CTNND2: variants seen among roughly 807,000 people sequenced by gnomAD.
CTNND2 encodes the protein catenin delta 2, also known as catenin delta-2.
A neutral mutation model predicts 144.4 loss-of-function variants in CTNND2; 22 were observed. The ratio of observed to expected loss-of-function variants is 0.15; its 90% CI spans 0.11 to 0.22. The LOEUF (loss-of-function observed/expected upper bound fraction) is 0.22. Among genes scored for constraint, CTNND2 ranks in the 10% least tolerant of loss-of-function variants. The probability of loss-of-function intolerance (pLI) is 1.00; values close to 1 mark genes in which losing one functional copy is unlikely to be tolerated. For synonymous variants in CTNND2, 751 were observed against 695.6 expected, an observed-to-expected ratio of 1.08 and a Z score of -1.25; for missense variants, 1,353 against 1,618.8, an observed-to-expected ratio of 0.84 and a Z score of 2.82.
chr5:11,703,792 A>T (rs542903265), intron 2 of CTNND2, among the ~76,000 whole-genome samples: 1 of 152,304 alleles, frequency 6.6e-6, no homozygotes, highest in African/African-American at 2.4e-5. Context: ...TATATCTGCC[A>T]AATAATTCGA....
At chr5:11,228,365 A>AC (rs1334382156) in intron 10 of CTNND2, among the ~76,000 whole-genome samples, 1 of 146,104 alleles carries the variant, frequency 6.8e-6, no homozygotes, top group East Asian at 2.0e-4. Flanking sequence ...AAAAAAAAAA[A>AC]AAAAAAAAAA....
intron 9 of CTNND2, among the ~76,000 whole-genome samples, chr5:11,336,848 A>G (rs1753779840): frequency 6.6e-6 from 1 of 152,120 alleles, no homozygotes; most frequent in Non-Finnish European, 1.5e-5. Flanking sequence ...TATATGGCAC[A>G]AACACACACA....
chr5:11,064,013 T>C (rs1342668979), intron 16 of CTNND2, among the ~76,000 whole-genome samples: 1 of 152,002 alleles, frequency 6.6e-6, no homozygotes, highest in East Asian at 1.9e-4. Context: ...GCATCTTCTC[T>C]CAAGGAGATT....
chr5:11,098,288 G>A (rs1238080600), intron 15 of CTNND2, among the ~76,000 whole-genome samples: 1 of 152,164 alleles, frequency 6.6e-6, no homozygotes, highest in East Asian at 1.9e-4. Flanking sequence ...TGAAAACAAA[G>A]TAGCTCAGCT....
chr5:11,883,467 T>C (rs1364944754), intron 1 of CTNND2, among the ~76,000 whole-genome samples: 2 of 152,196 alleles, frequency 1.3e-5, no homozygotes, highest in Non-Finnish European at 2.9e-5. Flanking sequence ...TTGCTGAGAA[T>C]GATGGTTTCC....
At chr5:11,107,438 C>A (rs1216808586) in intron 14 of CTNND2, among the ~76,000 whole-genome samples, 1 of 152,116 alleles carries the variant, frequency 6.6e-6, no homozygotes, top group African/African-American at 2.4e-5. Context: ...ATCCGAATGA[C>A]ATAGCAGGCA....
chr5:11,483,083 C>T (rs1164958051), intron 3 of CTNND2, among the ~76,000 whole-genome samples: 1 of 152,018 alleles, frequency 6.6e-6, no homozygotes, highest in African/African-American at 2.4e-5. Flanking sequence ...TGATTTTGCT[C>T]CTATCAAAGG....
At chr5:11,204,717 C>T (rs1737858763) in intron 10 of CTNND2, among the ~76,000 whole-genome samples, 1 of 151,894 alleles carries the variant, frequency 6.6e-6, no homozygotes, top group Non-Finnish European at 1.5e-5. Context: ...TTATGACAGT[C>T]TTCATAAAAA....
chr5:11,541,844 C>A (rs1038823496), intron 3 of CTNND2, among the ~76,000 whole-genome samples: 12 of 143,308 alleles, frequency 8.4e-5, no homozygotes, highest in South Asian at 2.3e-4. Context: ...ATCGACCCCC[C>A]CCCCCCGGCC....
chr5:11,371,583 A>C (rs142632572), intron 7 of CTNND2, among the ~76,000 whole-genome samples: 1 of 152,288 alleles, frequency 6.6e-6, no homozygotes, highest in East Asian at 1.9e-4. Flanking sequence ...CTTTTGACCT[A>C]AATCAAAACT....
intron 1 of CTNND2, among the ~76,000 whole-genome samples, chr5:11,744,681 G>T (rs570892796): frequency 6.1e-3 from 105 of 17,076 alleles, no homozygotes; most frequent in South Asian, 0.034. Flanking sequence ...GTGTGTGTGT[G>T]TGTTTGTGTG....
intron 9 of CTNND2, among the ~76,000 whole-genome samples, chr5:11,244,636 T>A (rs569405415): frequency 6.6e-6 from 1 of 152,328 alleles, no homozygotes; most frequent in African/African-American, 2.4e-5. Flanking sequence ...GGCTTTTATA[T>A]AAACAATAGC....
In CTNND2 at chr5:11,349,994, G is replaced by A. The variant is rs200016697; in HGVS notation, c.1373-3367C>T. Among the ~76,000 whole-genome samples, 40 of 152,236 alleles carry A rather than the reference G, an allele frequency of 2.6e-4. No individual in the cohort carries two copies. In the South Asian group the frequency reaches 5.8e-3, roughly 22 times the overall value. On this transcript the variant is annotated intron_variant, in intron 8 of 21. Transcript: ENST00000304623. ...CTACTAAAGACACAAAACATTAGTC[G>A]GGCGTGGTGGCACGTGCCTGTAATC...
chr5:11,587,917 ATTTTT>A (rs568528646), intron 2 of CTNND2, among the ~76,000 whole-genome samples: 1 of 147,316 alleles, frequency 6.8e-6, no homozygotes, highest in South Asian at 2.1e-4. Flanking sequence ...GGGTATCACA[ATTTTT>A]TTTTTTTAAC....
intron 2 of CTNND2, among the ~76,000 whole-genome samples, chr5:11,627,834 T>C (rs1401516987): frequency 1.3e-5 from 2 of 150,464 alleles, no homozygotes; most frequent in African/African-American, 4.9e-5. Flanking sequence ...GATGATCCCA[T>C]CTGGGGGTGA....
At chr5:11,888,243 C>G (rs1484292583) in intron 1 of CTNND2, among the ~76,000 whole-genome samples, 1 of 152,186 alleles carries the variant, frequency 6.6e-6, no homozygotes. Context: ...TTTAATTAAG[C>G]CTAGTGTAGC....
chr5:11,227,398 G>C (rs1211472569), intron 10 of CTNND2, among the ~76,000 whole-genome samples: 1 of 152,156 alleles, frequency 6.6e-6, no homozygotes, highest in African/African-American at 2.4e-5. Context: ...AATGCAGGCA[G>C]CCTGGCTCCA....
intron 1 of CTNND2, among the ~76,000 whole-genome samples, chr5:11,864,637 G>GGACA (rs768525900): frequency 8.5e-5 from 13 of 152,088 alleles, no homozygotes; most frequent in Non-Finnish European, 1.8e-4. Context: ...TAACATCACA[G>GGACA]GACAGATAAC....
intron 3 of CTNND2, among the ~76,000 whole-genome samples, chr5:11,481,689 G>A (rs1240526737): frequency 6.6e-6 from 1 of 152,036 alleles, no homozygotes; most frequent in Non-Finnish European, 1.5e-5. Context: ...CAGAGAGAGA[G>A]AGAGAACCTA....
Sources: gnomAD v4.1 joint callset for allele counts (sites outside exome capture counted in the v4.1 genomes callset) on GRCh38, gnomAD v4.1.1 for gene constraint, MANE v1.5 for transcripts, NCBI Gene and HGNC (gene_info 2026-07-23, HGNC 2026-07-21) for gene names.